MOV10L1: variants seen among roughly 807,000 people sequenced by gnomAD.
The protein encoded by MOV10L1 is RNA helicase Mov10l1.
MOV10L1 carries 110 observed loss-of-function variants against 143.8 expected under a neutral mutation model. The ratio of observed to expected loss-of-function variants is 0.76; its 90% CI spans 0.66 to 0.90. The LOEUF (loss-of-function observed/expected upper bound fraction) is 0.90, where lower values mean the gene tolerates loss of function less well. Ranked by LOEUF, MOV10L1 falls within the 40% of genes least tolerant of loss-of-function variation. The pLI is 0.00. For synonymous variants in MOV10L1, 593 were observed against 581.1 expected, an observed-to-expected ratio of 1.02 and a Z score of -0.29; for missense variants, 1,406 against 1,526.8, an observed-to-expected ratio of 0.92 and a Z score of 1.32.
intron 22 of MOV10L1, among the ~76,000 whole-genome samples, 172 bp downstream of exon 22, chr22:50,153,390 C>A (rs1004147402): frequency 6.6e-6 from 1 of 152,240 alleles, no homozygotes; most frequent in Non-Finnish European, 1.5e-5. Context: ...TGGATGCTGA[C>A]TTCTCCTGCC....
intron 2 of MOV10L1, chr22:50,093,951 C>T (rs2062521318): frequency 6.6e-6 from 1 of 152,256 alleles, no homozygotes; most frequent in African/African-American, 2.4e-5. Context: ...TGGAAAATTC[C>T]TTAATCATGT....
At chr22:50,134,478 T>G (rs1210670502) in intron 14 of MOV10L1, 52 bp from the exon 15 acceptor site, 1 of 1,480,222 alleles carries the variant, frequency 6.8e-7, no homozygotes, top group African/African-American at 1.4e-5. Flanking sequence ...CTATTAATAT[T>G]TTTTTAGCTT....
Position 50,159,722 on chromosome 22 carries a change from T to C in MOV10L1, c.3261T>C (p.Asp1087=), listed in dbSNP as rs1475239525. ...RILLRNVDLM[D]IKVGSVEEFQ... is the part of the protein sequence containing the mutation. ...TTTTGCGTAATGTTGATCTGATGGA[T>C]ATAAAGGTTGGATCAGTAGAGGAGT... The change falls in exon 24 of 27, where the codon GAT becomes GAC. Residue 1087 remains aspartate, a synonymous_variant. Transcript: ENST00000262794. This position sits in a 1 kb window ranked among gnomAD's most constrained non-coding sequence, Gnocchi z 4.1. 1 of 1,613,454 alleles carries C rather than the reference T, an allele frequency of 6.2e-7. No individual in the cohort carries two copies. The highest frequency in any genetic ancestry group is 8.5e-7 in the Non-Finnish European group (1 of 1,179,634).
chr22:50,155,563 C>T (rs1346405563), intron 22 of MOV10L1, among the ~76,000 whole-genome samples: 1 of 152,158 alleles, frequency 6.6e-6, no homozygotes, highest in Non-Finnish European at 1.5e-5. Context: ...GCAACTTCTG[C>T]CTCCCAGTTT....
chr22:50,091,764 T>A (rs2062449942), intron 1 of MOV10L1, among the ~76,000 whole-genome samples: 1 of 152,224 alleles, frequency 6.6e-6, no homozygotes, highest in Non-Finnish European at 1.5e-5. Flanking sequence ...GGCTGTCACC[T>A]CCACAACCAC....
In MOV10L1 at chr22:50,113,677, A is replaced by G. The variant is rs766544612; in HGVS notation, c.773A>G (p.His258Arg). The G allele has an allele frequency of 1.1e-5, 18 of 1,613,944 alleles. No individual in the cohort carries two copies. In the South Asian group the frequency reaches 1.5e-4, roughly 14 times the overall value. Residue 258 changes from histidine (H) to arginine (R), a missense_variant, in exon 6 of 27, where the codon CAT (histidine) becomes CGT (arginine). By Grantham distance (29) the His-to-Arg change is conservative. This residue lies in a region of MOV10L1 where 1,233 missense variants were observed against 1,351.4 expected (regional missense o/e 0.91). Transcript: ENST00000262794. ...GCCGCCCCTGTTCATGAGGCCACTC[A>G]TTTCTATGGAACGATTTTGCTGAAG... is the stretch of plus-strand genomic sequence containing the variant. ...RDAAPVHEAT[H>R]FYGTILLKNK...
Position 50,134,001 on chromosome 22 carries a change from C to T in MOV10L1, c.1911-6C>T, listed in dbSNP as rs199664485. 78 of 1,609,552 alleles carry T rather than the reference C, an allele frequency of 4.8e-5. No individual in the cohort carries two copies. The highest frequency in any genetic ancestry group is 1.6e-4 in the Middle Eastern group (1 of 6,076). On this transcript the variant is annotated splice_polypyrimidine_tract_variant and splice_region_variant and intron_variant, in intron 13 of 26. Coordinates refer to ENST00000262794, the MANE Select transcript of MOV10L1 (RefSeq NM_018995.3). ...TAGTTATTTTATGTGGTTTTCTTTCCTGCAGGACCACAAGCAGACGGTGTC... is the reference window on the plus strand; with the variant it reads ...TAGTTATTTTATGTGGTTTTCTTTCTTGCAGGACCACAAGCAGACGGTGTC...
intron 22 of MOV10L1, among the ~76,000 whole-genome samples, chr22:50,153,953 AG>A (rs1194289107): frequency 6.6e-6 from 1 of 152,158 alleles, no homozygotes; most frequent in East Asian, 1.9e-4. Context: ...ACAGGGGTCC[AG>A]GTTACACCAT....
chr22:50,095,618 A>AT lies in MOV10L1; in HGVS notation c.282+3437dup, dbSNP rs2062569493. 2.0e-5 allele frequency: 3 copies of AT among 152,162 alleles called. 1 individual carries two copies. In the South Asian group the frequency reaches 6.2e-4, roughly 32 times the overall value. 9.4% of individuals were successfully genotyped at this position (152,162 alleles called of 1,614,324 possible). On this transcript the variant is annotated intron_variant, in intron 2 of 26. Transcript: ENST00000262794. ...AGGTTCTCATACCAAATTCCCGTTG[A>AT]TTTTAAGATACACCATTAATTTGAT...
At chr22:50,154,017 G>T (rs1417934583) in intron 22 of MOV10L1, among the ~76,000 whole-genome samples, 1 of 152,242 alleles carries the variant, frequency 6.6e-6, no homozygotes. Context: ...GTGGCCCCCA[G>T]TTGCTCTTCG....
rs1199280436 is a variant in MOV10L1 at position 50,142,102 on chromosome 22, C to G, written c.2092C>G (p.Gln698Glu). 6.2e-7 allele frequency: 1 copy of G among 1,610,946 alleles called. No individual in the cohort carries two copies. The highest frequency in any genetic ancestry group is 1.3e-5 in the African/African-American group (1 of 74,748). ...CTAGAATAGGAAAACAATGACGGAC[C>G]AAGCTGAGCATGGAACAGAGGAGAG... ...SKKNRKTMTDQAEHGTEERRV... is the reference protein window; with the variant it reads ...SKKNRKTMTDEAEHGTEERRV... The change falls in exon 16 of 27, where the codon CAA becomes GAA. Residue 698 changes from glutamine (Q) to glutamate (E), a missense_variant. Gln to Glu is a conservative substitution (Grantham distance 29). Coordinates refer to ENST00000262794, the MANE Select transcript of MOV10L1 (RefSeq NM_018995.3).
intron 15 of MOV10L1, among the ~76,000 whole-genome samples, chr22:50,138,145 A>G (rs539211800): frequency 6.6e-6 from 1 of 152,290 alleles, no homozygotes; most frequent in East Asian, 1.9e-4. Flanking sequence ...ACAAAAACCT[A>G]CTTAGTGATA....
intron 3 of MOV10L1, among the ~76,000 whole-genome samples, chr22:50,102,608 T>TA (rs2061772689): frequency 6.6e-6 from 1 of 151,796 alleles, no homozygotes; most frequent in African/African-American, 2.4e-5. Context: ...ACAAAGAAAA[T>TA]AATTAGCATC....
At chr22:50,155,945 G>A (rs1385090632) in intron 22 of MOV10L1, among the ~76,000 whole-genome samples, 3 of 152,174 alleles carry the variant, frequency 2.0e-5, no homozygotes, top group Non-Finnish European at 2.9e-5. Context: ...CAGCTACTCA[G>A]GAGGCTGAGG....
chr22:50,097,806 T>C (rs2062626887), intron 2 of MOV10L1, among the ~76,000 whole-genome samples: 1 of 152,110 alleles, frequency 6.6e-6, no homozygotes, highest in African/African-American at 2.4e-5. Context: ...CATAGGACTT[T>C]GATAGGGATT....
chr22:50,139,292 A>G (rs1043238000), intron 15 of MOV10L1, among the ~76,000 whole-genome samples: 15 of 152,080 alleles, frequency 9.9e-5, no homozygotes, highest in Non-Finnish European at 7.4e-5. Context: ...AGGAAACAGC[A>G]TAGAAGAACA....
intron 19 of MOV10L1, chr22:50,149,393 G>A (rs2063234593): frequency 1.3e-5 from 7 of 547,432 alleles, no homozygotes; most frequent in East Asian, 6.1e-5. Context: ...AAATACAGAC[G>A]CTGCGTGCAA....
chr22:50,157,838 C>T (rs13054483), intron 22 of MOV10L1, among the ~76,000 whole-genome samples: 3 of 151,356 alleles, frequency 2.0e-5, no homozygotes, highest in African/African-American at 7.3e-5. Flanking sequence ...TGGCGGACTC[C>T]TGTGACCCGT....
chr22:50,092,259 C>T lies in MOV10L1; in HGVS notation c.282+74C>T. On this transcript the variant is annotated intron_variant, in intron 2 of 26. Transcript: ENST00000262794. ...TGTGTTGTTTTTCCTTGTGTTTAAT[C>T]TATCAGACATGACCCGGCCAAGGGA... 2.9e-6 allele frequency: 4 copies of T among 1,381,474 alleles called. No homozygotes were observed. The South Asian group carries it at 3.9e-5, about 14-fold the overall frequency. 85.6% of individuals were successfully genotyped at this position (1,381,474 alleles called of 1,614,324 possible). A position where few individuals can be genotyped will look rare whatever the true frequency, so the allele number is the denominator to read the frequency against.
Sources: gnomAD v4.1 joint callset for allele counts (sites outside exome capture counted in the v4.1 genomes callset) on GRCh38, gnomAD v4.1.1 for gene constraint, gnomAD v4.1.1 regional missense constraint, Gnocchi (gnomAD v3.1) non-coding constraint, MANE v1.5 for transcripts, NCBI Gene and HGNC (gene_info 2026-07-23, HGNC 2026-07-21) for gene names.